ZKSCAN4: variants seen among roughly 807,000 people sequenced by gnomAD.
ZKSCAN4 encodes zinc finger protein with KRAB and SCAN domains 4.
ZKSCAN4 carries 23 observed loss-of-function variants against 30.8 expected under a neutral mutation model. The observed-to-expected ratio is 0.75, with a 90% CI of 0.54 to 1.06. The LOEUF (loss-of-function observed/expected upper bound fraction) is 1.06. Among genes scored for constraint, ZKSCAN4 ranks in the 50% least tolerant of loss-of-function variants. The pLI is 0.00. For synonymous variants in ZKSCAN4, 208 were observed against 252.5 expected (o/e 0.82, Z 1.67); for missense variants, 556 against 665.4 (o/e 0.84, Z 1.81).
the ZKSCAN4 span, among the ~76,000 whole-genome samples, chr6:28,257,583 AT>A: frequency 6.6e-6 from 1 of 152,238 alleles, no homozygotes; most frequent in Admixed American, 6.5e-5. Context: ...CTTCCTTGGA[AT>A]AATTGAACAA....
intron 2 of ZKSCAN4, among the ~76,000 whole-genome samples, 170 bp from the exon 3 acceptor site, chr6:28,248,319 G>T (rs1048036873): frequency 1.3e-5 from 2 of 152,238 alleles, no homozygotes; most frequent in Non-Finnish European, 2.9e-5. Context: ...AGGGCCGAAA[G>T]AAGTCTGGTG....
chr6:28,251,770 A>G lies in ZKSCAN4; in HGVS notation c.211T>C (p.Leu71=), dbSNP rs990574188. ...YPEAAGPREA[L]SRLRELCGQW... ...CCGCAGAGTTCTCGGAGCCGGCTCA[A>G]CGCCTCGCGGGGGCCCGCAGCCTCC... The change falls in exon 1 of 5, where the codon TTG becomes CTG. Residue 71 remains leucine, a synonymous_variant. Transcript: ENST00000377294. The surrounding 1 kb of genome is among the most constrained non-coding windows in gnomAD (Gnocchi z 4.5). The G allele has an allele frequency of 2.5e-6, 4 of 1,614,126 alleles. No homozygotes were observed. Among genetic ancestry groups the G allele is most frequent in the African/African-American group, 2.7e-5 (2 of 75,066 alleles).
At chr6:28,253,072 G>A (rs79867499), upstream of ZKSCAN4, among the ~76,000 whole-genome samples, 939 of 152,292 alleles carry the variant, frequency 6.2e-3, 19 homozygotes, top group Admixed American at 0.037. This position sits in a 1 kb window ranked among gnomAD's most constrained non-coding sequence, Gnocchi z 4.2. Flanking sequence ...GATGTTGTAG[G>A]CATTACTAGG....
chr6:28,257,518 G>A, the ZKSCAN4 span, among the ~76,000 whole-genome samples: 109 of 152,120 alleles, frequency 7.2e-4, 2 homozygotes, highest in East Asian at 0.019. Flanking sequence ...AAACCTGCAT[G>A]TTCTACACAT....
chr6:28,254,594 G>A (rs1340856255), upstream of ZKSCAN4, among the ~76,000 whole-genome samples: 4 of 152,228 alleles, frequency 2.6e-5, no homozygotes, highest in Admixed American at 2.6e-4. Context: ...ATTTTAAGCA[G>A]GCTGCAGAAG....
At chr6:28,248,192 C>T in intron 2 of ZKSCAN4, 43 bp from the exon 3 acceptor site, 1 of 1,511,876 alleles carries the variant, frequency 6.6e-7, no homozygotes, top group East Asian at 2.3e-5. Flanking sequence ...CCCTAGTATT[C>T]AGCCTCCCCA....
chr6:28,249,649 G>A lies in ZKSCAN4; in HGVS notation c.571+38C>T, dbSNP rs1454074261. The A allele has an allele frequency of 4.4e-6, 7 of 1,595,758 alleles. No homozygotes were observed. Among genetic ancestry groups the A allele is most frequent in the Non-Finnish European group, 6.0e-6 (7 of 1,169,844 alleles). On this transcript the variant is annotated intron_variant, in intron 2 of 4. Coordinates refer to ENST00000377294, the MANE Select transcript of ZKSCAN4 (RefSeq NM_019110.5). The surrounding 1 kb of genome is among the most constrained non-coding windows in gnomAD (Gnocchi z 4.1). The stretch of plus-strand genomic sequence containing the variant: ...TGATCCTTAAATGAAATTGGATGAA[G>A]TCTATAGAATTCATACAACCCAGAA...
chr6:28,245,655 G>C lies in ZKSCAN4; in HGVS notation c.1099C>G (p.Gln367Glu). 1 of 1,614,146 alleles carries C rather than the reference G, an allele frequency of 6.2e-7. No homozygotes were observed. Among genetic ancestry groups the C allele is most frequent in the Non-Finnish European group, 8.5e-7 (1 of 1,180,028 alleles). The change falls in exon 5 of 5, where the codon CAG becomes GAG. Residue 367 changes from glutamine (Q) to glutamate (E), a missense_variant. Gln to Glu is a conservative substitution (Grantham distance 29). This residue lies in a region of ZKSCAN4 where 433 missense variants were observed against 511.5 expected (regional missense o/e 0.85). Coordinates refer to ENST00000377294, the MANE Select transcript of ZKSCAN4 (RefSeq NM_019110.5). The stretch of plus-strand genomic sequence containing the variant: ...GGCTTCTCACCAGTGTGGACTCTCT[G>C]ATGAATGACAAGGGCAGAGCTCCCA... ...FIGSSALVIH[Q>E]RVHTGEKPYE...
At position 28,245,380 on chromosome 6, in the gene ZKSCAN4, A is replaced by G. The variant is rs1760662822; in HGVS notation, c.1374T>C (p.Asn458=). 6.2e-7 allele frequency: 1 copy of G among 1,614,096 alleles called. No individual in the cohort carries two copies. Among genetic ancestry groups the G allele is most frequent in the Non-Finnish European group, 8.5e-7 (1 of 1,180,052 alleles). ...ACTCCCCGTGCTCAGGATTCTGAAC[A>G]TTTTTATCACCATGAATCCTCTGAT... is the stretch of plus-strand genomic sequence containing the variant. ...LRHQRIHGDK[N]VQNPEHGESW... Residue 458 remains asparagine, a synonymous_variant, in exon 5 of 5, where the codon AAT becomes AAC. Transcript: ENST00000377294.
upstream of ZKSCAN4, among the ~76,000 whole-genome samples, chr6:28,253,829 C>G (rs911153545): frequency 1.3e-5 from 2 of 152,140 alleles, no homozygotes; most frequent in Admixed American, 1.3e-4. The surrounding 1 kb of genome is among the most constrained non-coding windows in gnomAD (Gnocchi z 4.2). Flanking sequence ...CCTCAGCCAC[C>G]CGAGTAGCTG....
chr6:28,257,468 G>C, the ZKSCAN4 span, among the ~76,000 whole-genome samples: 1 of 152,076 alleles, frequency 6.6e-6, no homozygotes, highest in African/African-American at 2.4e-5. Flanking sequence ...TGGGTTGATA[G>C]GTGCAGCAAA....
chr6:28,252,342 C>G, upstream of ZKSCAN4: 1 of 176,964 alleles, frequency 5.7e-6, no homozygotes. Context: ...CGGTGGTTGT[C>G]TCCGAATTAA....
chr6:28,247,189 G>A (rs1438958284), intron 3 of ZKSCAN4, 97 bp from the exon 4 acceptor site: 3 of 1,371,612 alleles, frequency 2.2e-6, no homozygotes, highest in Admixed American at 2.5e-5. Flanking sequence ...TTAAAAAGGA[G>A]CAAGTGTGGC....
rs1455015395 is a variant in ZKSCAN4, at chr6:28,251,458, TGAA to T, written c.423+97_423+99del. 7.5e-6 allele frequency: 12 copies of T among 1,592,276 alleles called. No homozygotes were observed. Among genetic ancestry groups the T allele is most frequent in the Non-Finnish European group, 1.0e-5 (12 of 1,167,912 alleles). ...AGGAGGTTCACAGTACAAAAAGAGA[TGAA>T]GAACTCCTGGACCTTAAAGGAATGC... On this transcript the variant is annotated intron_variant, in intron 1 of 4. Transcript: ENST00000377294. The surrounding 1 kb of genome is among the most constrained non-coding windows in gnomAD (Gnocchi z 4.5).
Position 28,251,913 on chromosome 6 carries a change from A to C in ZKSCAN4, c.68T>G (p.Leu23Arg). The C allele has an allele frequency of 6.5e-7, 1 of 1,531,192 alleles. No individual in the cohort carries two copies. The highest frequency in any genetic ancestry group is 1.3e-5 in the South Asian group (1 of 76,260). The allele number at this position is 1,531,192 out of a possible 1,614,324, so 94.9% of individuals were successfully genotyped here. A position where few individuals can be genotyped will look rare whatever the true frequency, so the allele number is the denominator to read the frequency against. The change falls in exon 1 of 5, where the codon CTG (leucine) becomes CGG (arginine). Residue 23 changes from leucine to arginine, a missense_variant. Around this residue, in one of 3 missense-constraint regions of ZKSCAN4, gnomAD observed 115 missense variants for 125.9 expected, o/e 0.91. Coordinates refer to ENST00000377294, the MANE Select transcript of ZKSCAN4 (RefSeq NM_019110.5). This position sits in a 1 kb window ranked among gnomAD's most constrained non-coding sequence, Gnocchi z 4.5. The stretch of plus-strand genomic sequence containing the variant: ...TTCCTCCTTCTCCACCTTCACGGTC[A>C]GGAGCCCCGTCTGGTCTTCTGCAGA... ...AQSAEDQTGL[L>R]TVKVEKEEAS...
In ZKSCAN4 at chr6:28,245,406, G is replaced by A. The variant is rs143196336; in HGVS notation, c.1348C>T (p.His450Tyr). The A allele has an allele frequency of 6.2e-7, 1 of 1,614,238 alleles. No individual in the cohort carries two copies. Among genetic ancestry groups the A allele is most frequent in the East Asian group, 2.2e-5 (1 of 44,882 alleles). Residue 450 changes from histidine (H) to tyrosine (Y), a missense_variant, in exon 5 of 5, where the codon CAT becomes TAT. By Grantham distance (83) the His-to-Tyr change is moderately conservative (BLOSUM62 2). Coordinates refer to ENST00000377294, the MANE Select transcript of ZKSCAN4 (RefSeq NM_019110.5). ...AFRRNSHLLR[H>Y]QRIHGDKNVQ... ...TTTTTATCACCATGAATCCTCTGATGTCTCAGGAGATGTGAATTCCGCCTA... is the reference window on the plus strand; with the variant it reads ...TTTTTATCACCATGAATCCTCTGATATCTCAGGAGATGTGAATTCCGCCTA...
At position 28,243,237 on chromosome 6, in the gene ZKSCAN4, TAATG is replaced by T. The variant is rs1760562687; in HGVS notation, c.*1875_*1878del. ...GTTTTAAATTAGACTGAAAAGGAGATAATGAAGGCAATAAAAGATTGTAGGGAAT... is the reference window on the plus strand; with the variant it reads ...GTTTTAAATTAGACTGAAAAGGAGATAAGGCAATAAAAGATTGTAGGGAAT... On this transcript the variant is annotated 3_prime_UTR_variant, in exon 5 of 5. Transcript: ENST00000377294. Among the ~76,000 whole-genome samples the T allele has an allele frequency of 6.6e-6, 1 of 152,198 alleles. No homozygotes were observed. Among genetic ancestry groups the T allele is most frequent in the Non-Finnish European group, 1.5e-5 (1 of 68,032 alleles).
intron 1 of ZKSCAN4, among the ~76,000 whole-genome samples, chr6:28,250,224 C>T (rs1175667239): frequency 2.6e-5 from 4 of 152,118 alleles, no homozygotes; most frequent in East Asian, 1.9e-4. Context: ...TGTGCCACCA[C>T]GCCCGGCTAA....
At position 28,249,848 on chromosome 6, in the gene ZKSCAN4, T is replaced by A; in HGVS notation, c.424-14A>T. On this transcript the variant is annotated splice_polypyrimidine_tract_variant and intron_variant, in intron 1 of 4. Coordinates refer to ENST00000377294, the MANE Select transcript of ZKSCAN4 (RefSeq NM_019110.5). This position sits in a 1 kb window ranked among gnomAD's most constrained non-coding sequence, Gnocchi z 4.1. ...ACCAACGGGAACCTAGAAGTCACGATTTTTAGTTATCTACCCAACATTTCT... is the reference window on the plus strand; with the variant it reads ...ACCAACGGGAACCTAGAAGTCACGAATTTTAGTTATCTACCCAACATTTCT... 6.2e-7 allele frequency: 1 copy of A among 1,611,508 alleles called. No individual in the cohort carries two copies.
Sources: allele counts gnomAD v4.1 joint callset (sites outside exome capture counted in the v4.1 genomes callset), GRCh38; gene constraint gnomAD v4.1.1; regional missense constraint gnomAD v4.1.1; non-coding constraint Gnocchi (gnomAD v3.1); transcripts MANE v1.5; gene names NCBI Gene and HGNC (gene_info 2026-07-23, HGNC 2026-07-21).